Variants in IMPG1 observed in about 807,000 individuals in gnomAD.
The protein encoded by IMPG1 is interphotoreceptor matrix proteoglycan 1.
Under a neutral mutation model 92.0 loss-of-function variants are expected in IMPG1, and 85 were observed. The ratio of observed to expected loss-of-function variants is 0.92; its 90% CI spans 0.78 to 1.11. The LOEUF (loss-of-function observed/expected upper bound fraction) is 1.11, where lower values mean the gene tolerates loss of function less well. Ranked by LOEUF, IMPG1 falls within the 50% of genes least tolerant of loss-of-function variation. The pLI, the probability that IMPG1 is intolerant of heterozygous loss-of-function variation, is 0.00. For synonymous variants in IMPG1, 367 were observed against 334.1 expected, an observed-to-expected ratio of 1.10 and a Z score of -1.08; for missense variants, 1,022 against 956.0, an observed-to-expected ratio of 1.07 and a Z score of -0.91.
intron 14 of IMPG1, among the ~76,000 whole-genome samples, chr6:75,946,908 T>C (rs1400746039): frequency 1.3e-5 from 2 of 152,180 alleles, no homozygotes; most frequent in African/African-American, 4.8e-5. Flanking sequence ...TGAACTGTGA[T>C]TGAAAGATTG....
At chr6:75,939,845 T>G (rs1781809185) in intron 14 of IMPG1, among the ~76,000 whole-genome samples, 1 of 152,210 alleles carries the variant, frequency 6.6e-6, no homozygotes, top group Admixed American at 6.5e-5. Context: ...CGCCTTGCTC[T>G]AAGTTGTAAG....
intron 12 of IMPG1, among the ~76,000 whole-genome samples, chr6:75,983,320 GACCTGTGT>G (rs1201947673): frequency 2.0e-5 from 3 of 151,990 alleles, no homozygotes; most frequent in African/African-American, 4.8e-5. Context: ...GAAGTACAAT[GACCTGTGT>G]ATTTGTGCTA....
intron 14 of IMPG1, among the ~76,000 whole-genome samples, chr6:75,938,043 C>T (rs952103834): frequency 2.6e-5 from 4 of 152,214 alleles, no homozygotes; most frequent in Admixed American, 1.3e-4. Flanking sequence ...GTGACTTACT[C>T]GGTTTTTCAG....
At chr6:76,064,060 C>T (rs78008388) in intron 1 of IMPG1, among the ~76,000 whole-genome samples, 2,489 of 152,226 alleles carry the variant, frequency 0.016, 57 homozygotes, top group African/African-American at 0.056. Flanking sequence ...ATCTCCCTAC[C>T]CCACCCACTG....
At chr6:76,046,164 C>G (rs1401546119) in intron 1 of IMPG1, among the ~76,000 whole-genome samples, 1 of 152,112 alleles carries the variant, frequency 6.6e-6, no homozygotes, top group Non-Finnish European at 1.5e-5. Flanking sequence ...AGTCCTATTT[C>G]TGCCCTCTGG....
chr6:75,945,358 CT>C (rs71678760), intron 14 of IMPG1, among the ~76,000 whole-genome samples: 18,696 of 122,444 alleles, frequency 0.15, 866 homozygotes, highest in South Asian at 0.21. Context: ...TTTTTTTTTT[CT>C]TTTTTTTTTT....
chr6:75,924,621 TAATAA>T (rs1781502450), intron 15 of IMPG1, among the ~76,000 whole-genome samples: 1 of 31,626 alleles, frequency 3.2e-5, no homozygotes, highest in Non-Finnish European at 5.6e-5. Context: ...ATATAATATA[TAATAA>T]ATTATATATT....
chr6:76,067,882 C>G (rs906840238), intron 1 of IMPG1, among the ~76,000 whole-genome samples: 6 of 152,046 alleles, frequency 3.9e-5, no homozygotes, highest in Admixed American at 3.9e-4. Flanking sequence ...GACGGTTCAG[C>G]ATATACAAAT....
intron 1 of IMPG1, among the ~76,000 whole-genome samples, chr6:76,061,448 C>T (rs1477738337): frequency 6.6e-6 from 1 of 152,070 alleles, no homozygotes; most frequent in African/African-American, 2.4e-5. Flanking sequence ...GTTAATGAAG[C>T]CACAATGAAG....
intron 1 of IMPG1, among the ~76,000 whole-genome samples, chr6:76,067,061 T>C (rs1430166837): frequency 6.6e-6 from 1 of 152,074 alleles, no homozygotes; most frequent in Non-Finnish European, 1.5e-5. Context: ...GAGAAGTTTA[T>C]AGTGTTTTAT....
chr6:75,922,602 C>A (rs542510973), intron 16 of IMPG1, among the ~76,000 whole-genome samples: 11 of 152,156 alleles, frequency 7.2e-5, no homozygotes, highest in Non-Finnish European at 1.6e-4. Flanking sequence ...AGTTTACTTC[C>A]TACTGTGAAA....
chr6:76,004,463 G>C (rs78008431), intron 10 of IMPG1, among the ~76,000 whole-genome samples: 1 of 152,118 alleles, frequency 6.6e-6, no homozygotes, highest in African/African-American at 2.4e-5. Context: ...CTGGCCCTTC[G>C]TCTTGTCTCA....
chr6:75,985,102 A>C (rs1782691283), intron 12 of IMPG1, among the ~76,000 whole-genome samples: 1 of 152,222 alleles, frequency 6.6e-6, no homozygotes, highest in Non-Finnish European at 1.5e-5. Flanking sequence ...TTGTCATTTA[A>C]ATATAAACAA....
intron 1 of IMPG1, among the ~76,000 whole-genome samples, chr6:76,066,315 G>A (rs1437172941): frequency 6.6e-6 from 1 of 152,046 alleles, no homozygotes; most frequent in Non-Finnish European, 1.5e-5. Flanking sequence ...ATGATGTGCT[G>A]CTTATAAAAA....
chr6:75,982,375 T>C (rs533682679), intron 12 of IMPG1, among the ~76,000 whole-genome samples: 53 of 152,040 alleles, frequency 3.5e-4, no homozygotes, highest in Non-Finnish European at 5.7e-4. Context: ...ACTCTGTCTC[T>C]ACTAAAAGTG....
chr6:75,987,053 C>T lies in IMPG1; in HGVS notation c.1291+15865G>A, dbSNP rs1562359948. On this transcript the variant is annotated intron_variant, in intron 12 of 16. Transcript: ENST00000369950. ...GCACTCACAGTTGAGTCATGCCAAGCAGCAGGTTCCATTTTCCATATTGAA... is the reference window on the plus strand; with the variant it reads ...GCACTCACAGTTGAGTCATGCCAAGTAGCAGGTTCCATTTTCCATATTGAA... Among the ~76,000 whole-genome samples, 6 of 152,156 alleles carry T rather than the reference C, an allele frequency of 3.9e-5. No individual in the cohort carries two copies. The South Asian group carries it at 1.2e-3, about 31-fold the overall frequency.
intron 7 of IMPG1, 58 bp downstream of exon 7, chr6:76,018,660 C>A (rs538396073): frequency 2.9e-5 from 44 of 1,519,814 alleles, no homozygotes; most frequent in South Asian, 1.9e-4. Context: ...TATGTCCTAT[C>A]GGCTCCCACC....
chr6:76,064,606 C>T (rs1784275548), intron 1 of IMPG1, among the ~76,000 whole-genome samples: 1 of 152,086 alleles, frequency 6.6e-6, no homozygotes, highest in Non-Finnish European at 1.5e-5. Context: ...TTGTGCCTGC[C>T]ATTGGGGTAT....
intron 12 of IMPG1, among the ~76,000 whole-genome samples, chr6:75,973,245 G>GCCCGGA: frequency 6.6e-6 from 1 of 152,158 alleles, no homozygotes; most frequent in Non-Finnish European, 1.5e-5. Context: ...CTCCCAAAGT[G>GCCCGGA]TCCGGATTAC....
Sources: allele counts gnomAD v4.1 joint callset (sites outside exome capture counted in the v4.1 genomes callset), GRCh38; gene constraint gnomAD v4.1.1; transcripts MANE v1.5; gene names NCBI Gene and HGNC (gene_info 2026-07-23, HGNC 2026-07-21).